Variants in CLCA4 observed in about 807,000 individuals in gnomAD.
CLCA4 encodes chloride channel accessory 4, also known as calcium-activated chloride channel regulator 4.
Under a neutral mutation model 78.9 loss-of-function variants are expected in CLCA4, and 69 were observed. The ratio of observed to expected loss-of-function variants is 0.87; its 90% CI spans 0.72 to 1.07. The LOEUF (loss-of-function observed/expected upper bound fraction) is 1.07, where lower values mean the gene tolerates loss of function less well. Ranked by LOEUF, CLCA4 falls within the 50% of genes least tolerant of loss-of-function variation. CLCA4 has a pLI of 0.00. For synonymous variants in CLCA4, 362 were observed against 375.8 expected (o/e 0.96, Z 0.42); for missense variants, 1,133 against 1,095.8 (o/e 1.03, Z -0.48).
chr1:86,574,772 T>C lies in CLCA4; in HGVS notation c.1683+17T>C. 1 of 1,569,668 alleles carries C rather than the reference T, an allele frequency of 6.4e-7. No individual in the cohort carries two copies. The highest frequency in any genetic ancestry group is 8.8e-7 in the Non-Finnish European group (1 of 1,140,404). On this transcript the variant is annotated intron_variant, in intron 10 of 13. Coordinates refer to ENST00000370563, the MANE Select transcript of CLCA4 (RefSeq NM_012128.4). ...ACTGCAAAGGTAAGCAATCAGCTTTTAGACTTCCTGTCAACATTTTTAAAA... is the reference window on the plus strand; with the variant it reads ...ACTGCAAAGGTAAGCAATCAGCTTTCAGACTTCCTGTCAACATTTTTAAAA...
chr1:86,575,451 T>C lies in CLCA4; in HGVS notation c.1803T>C (p.Asn601=), dbSNP rs754868074. 5 of 1,613,492 alleles carry C rather than the reference T, an allele frequency of 3.1e-6. No homozygotes were observed. The Admixed American group carries it at 8.3e-5, about 27-fold the overall frequency. Reference sequence around the variant, plus strand: ...CAATCACAGTGAATGCTAAAATGAATAAGGACGTAAACAGTTTCCCCAGCC... The same window carrying C: ...CAATCACAGTGAATGCTAAAATGAACAAGGACGTAAACAGTTTCCCCAGCC... ...VPPITVNAKM[N]KDVNSFPSPM... is the part of the protein sequence containing the mutation. The change falls in exon 11 of 14, where the codon AAT becomes AAC. Residue 601 remains asparagine, a synonymous_variant. Coordinates refer to ENST00000370563, the MANE Select transcript of CLCA4 (RefSeq NM_012128.4).
chr1:86,568,186 A>T (rs1287753930), intron 7 of CLCA4, among the ~76,000 whole-genome samples: 1 of 151,858 alleles, frequency 6.6e-6, no homozygotes, highest in African/African-American at 2.4e-5. Flanking sequence ...CTTACTAACC[A>T]GGTAATCTTA....
chr1:86,571,497 T>C (rs1457229540), intron 8 of CLCA4: 3 of 352,554 alleles, frequency 8.5e-6, no homozygotes, highest in African/African-American at 2.1e-5. Flanking sequence ...TAAAGTTCTA[T>C]GTGAGCAGAG....
At chr1:86,573,030 C>G (rs775333654) in intron 9 of CLCA4, 1 of 310,300 alleles carries the variant, frequency 3.2e-6, no homozygotes, top group Non-Finnish European at 6.2e-6. Context: ...AATAAAGCAC[C>G]CATTTTTCAA....
At chr1:86,574,776 CT>C in intron 10 of CLCA4, 21 bp downstream of exon 10, 2 of 1,547,642 alleles carry the variant, frequency 1.3e-6, no homozygotes, top group Non-Finnish European at 1.8e-6. Flanking sequence ...AGCTTTTAGA[CT>C]TCCTGTCAAC....
At chr1:86,567,772 C>T (rs1650245585) in intron 7 of CLCA4, 121 bp downstream of exon 7, 12 of 742,266 alleles carry the variant, frequency 1.6e-5, no homozygotes, top group Non-Finnish European at 2.4e-5. Flanking sequence ...CTAAGAGGCA[C>T]AGGACTAAGC....
intron 1 of CLCA4, chr1:86,552,732 C>G: frequency 7.0e-7 from 1 of 1,437,980 alleles, no homozygotes; most frequent in Non-Finnish European, 9.7e-7. Flanking sequence ...TCACAGGGGC[C>G]CGGCCCGGCA....
intron 1 of CLCA4, among the ~76,000 whole-genome samples, chr1:86,559,402 T>C (rs1242944250): frequency 2.0e-5 from 3 of 152,170 alleles, no homozygotes; most frequent in Non-Finnish European, 4.4e-5. Flanking sequence ...CCTCCTCAGT[T>C]TGCATCAACT....
chr1:86,553,235 G>A, intron 1 of CLCA4: 1 of 1,054,910 alleles, frequency 9.5e-7, no homozygotes. Context: ...TGTCCAAGAG[G>A]GACTGCCGCT....
At chr1:86,554,699 C>T (rs1649780747) in intron 1 of CLCA4, among the ~76,000 whole-genome samples, 1 of 152,146 alleles carries the variant, frequency 6.6e-6, no homozygotes, top group Non-Finnish European at 1.5e-5. Flanking sequence ...TTATATTCCT[C>T]TGAGTGTATA....
At chr1:86,578,097 T>A in intron 12 of CLCA4, 25 bp downstream of exon 12, 1 of 1,590,042 alleles carries the variant, frequency 6.3e-7, no homozygotes, top group South Asian at 1.1e-5. Flanking sequence ...ATATTTATAA[T>A]CCAGTGATAG....
rs4001061 is a variant in CLCA4, at chr1:86,580,213, TCCTACA to T, written c.2634_2639del (p.Thr886_Pro887del). Reference sequence around the variant, plus strand: ...CTCAAGCAAATCCTGATGACATTGATCCTACACCTACTCCTACTCCTACTCCTACTC... The same window carrying T: ...CTCAAGCAAATCCTGATGACATTGATCCTACTCCTACTCCTACTCCTACTC... On this transcript the variant is annotated inframe_deletion, in exon 14 of 14. Transcript: ENST00000370563. 1,157,515 of 1,605,610 alleles carry T rather than the reference TCCTACA, an allele frequency of 0.72. 418,937 individuals are homozygous for T. Among genetic ancestry groups the T allele is most frequent in the South Asian group, 0.82 (74,466 of 90,640 alleles).
At chr1:86,554,635 G>A (rs1649776633) in intron 1 of CLCA4, among the ~76,000 whole-genome samples, 1 of 152,108 alleles carries the variant, frequency 6.6e-6, no homozygotes, top group Non-Finnish European at 1.5e-5. Context: ...TTGCTATTGT[G>A]AATAGTGCTG....
intron 1 of CLCA4, among the ~76,000 whole-genome samples, chr1:86,557,809 G>A (rs1329956973): frequency 1.3e-5 from 2 of 152,166 alleles, no homozygotes; most frequent in Admixed American, 1.3e-4. Context: ...CTATTATTGA[G>A]TGGGAGTCTA....
chr1:86,580,322 T>G lies in CLCA4; in HGVS notation c.2737T>G (p.Phe913Val). Residue 913 changes from phenylalanine to valine, a missense_variant, in exon 14 of 14, where the codon TTT becomes GTT. By Grantham distance (50) the Phe-to-Val change is conservative. Transcript: ENST00000370563. ...GATTGGGTCTGTTGTAATTGTTAAC[T>G]TTATTTTAAGTACCACCATTTGAAC... Reference protein sequence around the residue: ...SVIGSVVIVNFILSTTI With the variant: ...SVIGSVVIVNVILSTTI 1 of 1,594,114 alleles carries G rather than the reference T, an allele frequency of 6.3e-7. No individual in the cohort carries two copies. The highest frequency in any genetic ancestry group is 8.5e-7 in the Non-Finnish European group (1 of 1,172,822).
In CLCA4 at chr1:86,580,188, C is replaced by T. The variant is rs774946121; in HGVS notation, c.2603C>T (p.Pro868Leu). 2.5e-6 allele frequency: 4 copies of T among 1,610,262 alleles called. No homozygotes were observed. In the Admixed American group the frequency reaches 6.7e-5, roughly 27 times the overall value. ...SNIAQVTLFI[P>L]QANPDDIDPT... ...ATTGCACAAGTAACTTTGTTTATCCCTCAAGCAAATCCTGATGACATTGAT... is the reference window on the plus strand; with the variant it reads ...ATTGCACAAGTAACTTTGTTTATCCTTCAAGCAAATCCTGATGACATTGAT... Residue 868 changes from proline (P) to leucine (L), a missense_variant, in exon 14 of 14, where the codon CCT becomes CTT. By Grantham distance (98) the Pro-to-Leu change is moderately conservative. Coordinates refer to ENST00000370563, the MANE Select transcript of CLCA4 (RefSeq NM_012128.4).
chr1:86,567,673 T>C, intron 7 of CLCA4, 22 bp downstream of exon 7: 1 of 1,592,920 alleles, frequency 6.3e-7, no homozygotes, highest in Non-Finnish European at 8.6e-7. Context: ...ACTGCAAATA[T>C]ATTTTGGTTT....
intron 1 of CLCA4, among the ~76,000 whole-genome samples, chr1:86,554,391 G>C (rs61800418): frequency 6.6e-4 from 101 of 151,940 alleles, no homozygotes; most frequent in Non-Finnish European, 7.9e-4. Context: ...TTGTTTGTTT[G>C]TTTTGAGACA....
intron 11 of CLCA4, among the ~76,000 whole-genome samples, chr1:86,575,810 G>A (rs1323490537): frequency 6.6e-6 from 1 of 152,074 alleles, no homozygotes; most frequent in African/African-American, 2.4e-5. Context: ...ATGTTTTTGG[G>A]CTGGGCGCTG....
Sources: gnomAD v4.1 joint callset for allele counts (sites outside exome capture counted in the v4.1 genomes callset) on GRCh38, gnomAD v4.1.1 for gene constraint, MANE v1.5 for transcripts, NCBI Gene and HGNC (gene_info 2026-07-23, HGNC 2026-07-21) for gene names.